JPH1: variants seen among roughly 807,000 people sequenced by gnomAD.
JPH1 encodes the protein junctophilin-1.
JPH1 carries 12 observed loss-of-function variants against 53.6 expected under a neutral mutation model. The ratio of observed to expected loss-of-function variants is 0.22; its 90% CI spans 0.14 to 0.36. The LOEUF is 0.36. Ranked by LOEUF, JPH1 falls within the 10% of genes least tolerant of loss-of-function variation. The pLI is 1.00. For synonymous variants in JPH1, 375 were observed against 363.8 expected (o/e 1.03, Z -0.35); for missense variants, 808 against 905.5 (o/e 0.89, Z 1.38).
intron 4 of JPH1, among the ~76,000 whole-genome samples, chr8:74,242,818 G>A (rs1805735937): frequency 6.6e-6 from 1 of 152,204 alleles, no homozygotes; most frequent in African/African-American, 2.4e-5. Flanking sequence ...CTACTGAGAT[G>A]GAGGATGCTT....
intron 2 of JPH1, among the ~76,000 whole-genome samples, chr8:74,311,889 A>T (rs192966894): frequency 2.0e-3 from 309 of 152,122 alleles, no homozygotes; most frequent in African/African-American, 7.0e-3. Context: ...CATGGTGTAT[A>T]TGTGCCACAT....
At chr8:74,256,005 C>G (rs1484189451) in intron 3 of JPH1, among the ~76,000 whole-genome samples, 1 of 152,136 alleles carries the variant, frequency 6.6e-6, no homozygotes, top group African/African-American at 2.4e-5. Flanking sequence ...GGATCTAGAA[C>G]TAGAAATACC....
chr8:74,240,841 T>C (rs1805673040), intron 4 of JPH1, among the ~76,000 whole-genome samples: 1 of 152,210 alleles, frequency 6.6e-6, no homozygotes, highest in Non-Finnish European at 1.5e-5. Context: ...TGCCTGAACC[T>C]TAACTCCCAT....
intron 1 of JPH1, among the ~76,000 whole-genome samples, chr8:74,319,706 G>T (rs529468494): frequency 9.9e-5 from 15 of 152,266 alleles, no homozygotes; most frequent in Non-Finnish European, 1.9e-4. Context: ...GGTTGCAGTG[G>T]GCTGGAGAAA....
chr8:74,293,372 G>A (rs758498945), intron 2 of JPH1, among the ~76,000 whole-genome samples: 1 of 152,090 alleles, frequency 6.6e-6, no homozygotes, highest in Admixed American at 6.5e-5. Flanking sequence ...GTTGGGCACC[G>A]TTCCAAACAC....
At chr8:74,254,718 A>G (rs9773018) in intron 3 of JPH1, among the ~76,000 whole-genome samples, 11,491 of 152,038 alleles carry the variant, frequency 0.076, 1,385 homozygotes, top group African/African-American at 0.25. Flanking sequence ...AAATCAATGT[A>G]CAAAAATCAC....
intron 2 of JPH1, among the ~76,000 whole-genome samples, chr8:74,272,890 C>T (rs1806746688): frequency 6.6e-6 from 1 of 152,084 alleles, no homozygotes; most frequent in African/African-American, 2.4e-5. Context: ...AGGCGTGAGC[C>T]ACCGCGCCCG....
chr8:74,245,047 G>T lies in JPH1; in HGVS notation c.1387C>A (p.Pro463Thr), dbSNP rs868658114. ...PHFYRKGTTPPRSPEASPKHS... is the reference protein window; with the variant it reads ...PHFYRKGTTPTRSPEASPKHS... ...TTGGGACTTGCCTCAGGAGATCTTG[G>T]GGGTGTCGTGCCTTTGCGATAAAAA... Residue 463 changes from proline to threonine, a missense_variant, in exon 4 of 6, where the codon CCA becomes ACA. Pro to Thr is a conservative substitution (Grantham distance 38). Transcript: ENST00000342232. 6.2e-7 allele frequency: 1 copy of T among 1,613,928 alleles called. No individual in the cohort carries two copies. The highest frequency in any genetic ancestry group is 8.5e-7 in the Non-Finnish European group (1 of 1,179,986).
intron 4 of JPH1, 72 bp from the exon 5 acceptor site, chr8:74,237,375 C>T: frequency 8.2e-7 from 1 of 1,213,038 alleles, no homozygotes; most frequent in Non-Finnish European, 1.2e-6. Flanking sequence ...AAGCCAATTA[C>T]TGAAAAAATG....
chr8:74,272,422 T>G (rs1806725523), intron 2 of JPH1, among the ~76,000 whole-genome samples: 1 of 152,122 alleles, frequency 6.6e-6, no homozygotes, highest in African/African-American at 2.4e-5. Context: ...TTCTTCTCCC[T>G]TAAATCTCTC....
chr8:74,257,629 G>T (rs1261767303), intron 3 of JPH1, among the ~76,000 whole-genome samples: 1 of 152,182 alleles, frequency 6.6e-6, no homozygotes, highest in Non-Finnish European at 1.5e-5. Context: ...CAGCTAATTT[G>T]CCAATATACG....
Position 74,315,487 on chromosome 8 carries a change from G to T in JPH1, c.513C>A (p.Ser171Arg). ...TSLASLRSEQSNGSVLHDAAA... is the reference protein window; with the variant it reads ...TSLASLRSEQRNGSVLHDAAA... The stretch of plus-strand genomic sequence containing the variant: ...CGGCGTCGTGGAGCACGCTGCCATT[G>T]CTCTGCTCGCTGCGCAGCGAGGCCA... Residue 171 changes from serine to arginine, a missense_variant, in exon 2 of 6, where the codon AGC becomes AGA. Transcript: ENST00000342232. The surrounding 1 kb of genome is among the most constrained non-coding windows in gnomAD (Gnocchi z 6.3). 1 of 1,606,818 alleles carries T rather than the reference G, an allele frequency of 6.2e-7. No individual in the cohort carries two copies.
intron 2 of JPH1, among the ~76,000 whole-genome samples, chr8:74,298,770 T>C (rs1807590691): frequency 6.6e-6 from 1 of 152,204 alleles, no homozygotes; most frequent in East Asian, 1.9e-4. Flanking sequence ...ACAGCATTCA[T>C]TTTCAGAAAT....
intron 2 of JPH1, among the ~76,000 whole-genome samples, chr8:74,306,631 C>T (rs1357368252): frequency 6.6e-6 from 1 of 151,014 alleles, no homozygotes; most frequent in Non-Finnish European, 1.5e-5. Context: ...GGAGACCTCG[C>T]TCTGTCGCTT....
intron 3 of JPH1, among the ~76,000 whole-genome samples, chr8:74,256,720 A>T (rs1382961775): frequency 6.6e-6 from 1 of 152,226 alleles, no homozygotes; most frequent in Non-Finnish European, 1.5e-5. Context: ...ATGTCATCTC[A>T]CACCAGTTAG....
intron 2 of JPH1, among the ~76,000 whole-genome samples, chr8:74,304,147 G>T (rs1005157755): frequency 5.3e-5 from 8 of 152,234 alleles, no homozygotes; most frequent in Non-Finnish European, 1.0e-4. Flanking sequence ...TAAGCAAGGT[G>T]CTGATAATCC....
intron 2 of JPH1, among the ~76,000 whole-genome samples, chr8:74,277,499 T>C (rs1806882321): frequency 6.6e-6 from 1 of 152,234 alleles, no homozygotes; most frequent in Non-Finnish European, 1.5e-5. Flanking sequence ...TCTTACATCA[T>C]ATTGGAACAC....
chr8:74,278,987 GCGCACA>G (rs1384922590), intron 2 of JPH1, among the ~76,000 whole-genome samples: 1 of 131,834 alleles, frequency 7.6e-6, no homozygotes, highest in Admixed American at 7.2e-5. Context: ...ACGCACACGC[GCGCACA>G]CACACACACA....
intron 2 of JPH1, among the ~76,000 whole-genome samples, chr8:74,260,949 AC>A (rs1806379784): frequency 6.6e-6 from 1 of 152,198 alleles, no homozygotes; most frequent in Non-Finnish European, 1.5e-5. Flanking sequence ...CTACATTGGC[AC>A]ATACTATTTA....
Sources: allele counts gnomAD v4.1 joint callset (sites outside exome capture counted in the v4.1 genomes callset), GRCh38; gene constraint gnomAD v4.1.1; non-coding constraint Gnocchi (gnomAD v3.1); transcripts MANE v1.5; gene names NCBI Gene and HGNC (gene_info 2026-07-23, HGNC 2026-07-21).